Variants in SORCS3 observed in about 807,000 individuals in gnomAD.
The protein encoded by SORCS3 is VPS10 domain-containing receptor SorCS3.
A neutral mutation model predicts 146.3 loss-of-function variants in SORCS3; 57 were observed. The ratio of observed to expected loss-of-function variants is 0.39; its 90% CI spans 0.31 to 0.49. The LOEUF is 0.49. SORCS3 is among the 20% of genes least tolerant of loss of function. SORCS3 has a pLI of 0.92. For synonymous variants in SORCS3, 653 were observed against 618.5 expected, an observed-to-expected ratio of 1.06 and a Z score of -0.83; for missense variants, 1,341 against 1,575.5, an observed-to-expected ratio of 0.85 and a Z score of 2.52.
At chr10:104,908,333 T>C (rs2018930387) in intron 2 of SORCS3, among the ~76,000 whole-genome samples, 1 of 152,170 alleles carries the variant, frequency 6.6e-6, no homozygotes, top group Non-Finnish European at 1.5e-5. Flanking sequence ...CTCACCCCTA[T>C]TAAGTGTAAG....
At chr10:105,237,157 C>T (rs1166450330) in intron 20 of SORCS3, among the ~76,000 whole-genome samples, 1 of 152,002 alleles carries the variant, frequency 6.6e-6, no homozygotes, top group Non-Finnish European at 1.5e-5. Flanking sequence ...CCCAAAGAAC[C>T]AAGAGAATGA....
At chr10:105,020,288 T>TA (rs967624251) in intron 4 of SORCS3, among the ~76,000 whole-genome samples, 1 of 152,218 alleles carries the variant, frequency 6.6e-6, no homozygotes, top group African/African-American at 2.4e-5. Context: ...AAGGGCCTCG[T>TA]AAATACTGAC....
intron 14 of SORCS3, among the ~76,000 whole-genome samples, chr10:105,187,898 G>A (rs2056489618): frequency 6.6e-6 from 1 of 152,184 alleles, no homozygotes; most frequent in African/African-American, 2.4e-5. Context: ...CTCAGTAGAG[G>A]AAAGATCAAT....
chr10:105,258,242 A>T (rs1474627400), intron 25 of SORCS3, among the ~76,000 whole-genome samples: 2 of 152,202 alleles, frequency 1.3e-5, no homozygotes, highest in African/African-American at 4.8e-5. Flanking sequence ...ATGTGAGTTC[A>T]TGTCCTCTTG....
rs538147935 is a variant in SORCS3, at chr10:105,252,810, C to A, written c.3141C>A (p.Ala1047=). The A allele has an allele frequency of 1.4e-5, 23 of 1,613,948 alleles. No individual in the cohort carries two copies. The highest frequency in any genetic ancestry group is 1.9e-5 in the Non-Finnish European group (23 of 1,179,962). Reference sequence around the variant, plus strand: ...TCCCAGAGGACCAGATCCTCATTGCCGTGTTTCCTGGTCTCCCCACTTCAG... The same window carrying A: ...TCCCAGAGGACCAGATCCTCATTGCAGTGTTTCCTGGTCTCCCCACTTCAG... The part of the protein sequence containing the change: ...TSVPEDQILI[A]VFPGLPTSAE... The change falls in exon 23 of 27, where the codon GCC becomes GCA. Residue 1047 remains alanine (A), a synonymous_variant. Transcript: ENST00000369701.
At chr10:105,152,025 T>C (rs184659118) in intron 9 of SORCS3, among the ~76,000 whole-genome samples, 10 of 152,338 alleles carry the variant, frequency 6.6e-5, no homozygotes, top group African/African-American at 2.2e-4. Context: ...TCTATTGCAG[T>C]GTCTTCACAT....
At chr10:104,740,354 G>A (rs1053628017) in intron 1 of SORCS3, among the ~76,000 whole-genome samples, 1 of 152,172 alleles carries the variant, frequency 6.6e-6, no homozygotes. Context: ...AAGTTATCTG[G>A]ATCAGATTGT....
intron 1 of SORCS3, among the ~76,000 whole-genome samples, chr10:104,684,778 T>TG (rs2016023086): frequency 1.6e-5 from 2 of 121,612 alleles, no homozygotes; most frequent in African/African-American, 6.2e-5. Flanking sequence ...AAGTCCTCAG[T>TG]GTTTTTTTTT....
At position 105,200,127 on chromosome 10, in the gene SORCS3, C is replaced by T. The variant is rs374416435; in HGVS notation, c.2127+11C>T. 677 of 1,603,456 alleles carry T rather than the reference C, an allele frequency of 4.2e-4. 7 individuals carry two copies. The highest frequency in any genetic ancestry group is 3.2e-3 in the South Asian group (291 of 90,776). Reference sequence around the variant, plus strand: ...CACCTGCTCAATCAGGTACACACCCCAGGGAGTTGGAGTGCTGGCTTTGAG... The same window carrying T: ...CACCTGCTCAATCAGGTACACACCCTAGGGAGTTGGAGTGCTGGCTTTGAG... On this transcript the variant is annotated intron_variant, in intron 15 of 26. Coordinates refer to ENST00000369701, the MANE Select transcript of SORCS3 (RefSeq NM_014978.3).
At chr10:105,105,344 C>A (rs2055813403) in intron 6 of SORCS3, 53 bp from the exon 7 acceptor site, 1 of 1,158,970 alleles carries the variant, frequency 8.6e-7, no homozygotes, top group Non-Finnish European at 1.3e-6. Flanking sequence ...CTACCTGGGG[C>A]TCCCTCATGA....
chr10:105,167,424 T>A, intron 13 of SORCS3, 75 bp downstream of exon 13: 2 of 1,076,342 alleles, frequency 1.9e-6, no homozygotes, highest in South Asian at 2.7e-5. Context: ...TGAGTTATTC[T>A]GCATGGTTTT....
At chr10:104,861,198 C>T (rs1056286731) in intron 2 of SORCS3, among the ~76,000 whole-genome samples, 3 of 152,154 alleles carry the variant, frequency 2.0e-5, no homozygotes, top group Non-Finnish European at 4.4e-5. Context: ...CTGTACCTGT[C>T]GTACCTGTTA....
chr10:104,823,250 C>G (rs1431812584), intron 1 of SORCS3, among the ~76,000 whole-genome samples: 1 of 152,096 alleles, frequency 6.6e-6, no homozygotes, highest in Non-Finnish European at 1.5e-5. Flanking sequence ...TTGGAAACCA[C>G]CGCAACCAAC....
At chr10:105,057,825 C>A (rs1435750422) in intron 5 of SORCS3, among the ~76,000 whole-genome samples, 2 of 152,158 alleles carry the variant, frequency 1.3e-5, no homozygotes, top group Non-Finnish European at 2.9e-5. Flanking sequence ...TATTTCTGAA[C>A]GTAGCGTATT....
chr10:105,255,615 C>T, intron 23 of SORCS3, 87 bp from the exon 24 acceptor site: 1 of 842,096 alleles, frequency 1.2e-6, no homozygotes, highest in Non-Finnish European at 2.0e-6. Context: ...GACTTTTTAC[C>T]TATTGACCTT....
intron 3 of SORCS3, among the ~76,000 whole-genome samples, chr10:104,968,751 G>T (rs1333125120): frequency 6.6e-6 from 1 of 152,140 alleles, no homozygotes; most frequent in Non-Finnish European, 1.5e-5. Context: ...ACATTGAAAG[G>T]TAAGCTTGTG....
intron 3 of SORCS3, among the ~76,000 whole-genome samples, chr10:104,919,864 G>A (rs890333009): frequency 1.3e-5 from 2 of 152,018 alleles, no homozygotes; most frequent in Admixed American, 6.6e-5. Flanking sequence ...TAACTTTCTC[G>A]TAACCAGTAT....
intron 1 of SORCS3, among the ~76,000 whole-genome samples, chr10:104,655,696 A>C (rs1191001950): frequency 6.6e-6 from 1 of 152,164 alleles, no homozygotes; most frequent in Non-Finnish European, 1.5e-5. Flanking sequence ...GTTTAGCACC[A>C]TCCTCTTGGT....
intron 1 of SORCS3, among the ~76,000 whole-genome samples, chr10:104,728,120 T>A (rs910154165): frequency 6.6e-6 from 1 of 151,396 alleles, no homozygotes; most frequent in Non-Finnish European, 1.5e-5. Flanking sequence ...TACCATCAGG[T>A]TTTTTTTTCT....
Sources: gnomAD v4.1 joint callset for allele counts (sites outside exome capture counted in the v4.1 genomes callset) on GRCh38, gnomAD v4.1.1 for gene constraint, MANE v1.5 for transcripts, NCBI Gene and HGNC (gene_info 2026-07-23, HGNC 2026-07-21) for gene names.